The following NCOA2 variants were observed in gnomAD, a reference collection of about 807,000 sequenced individuals.
NCOA2 encodes the protein class E basic helix-loop-helix protein 75.
Under a neutral mutation model 145.1 loss-of-function variants are expected in NCOA2, and 21 were observed. The observed-to-expected ratio is 0.14, with a 90% CI of 0.10 to 0.21. NCOA2 has a LOEUF of 0.21. Ranked by LOEUF, NCOA2 falls within the 10% of genes least tolerant of loss-of-function variation. NCOA2 has a pLI of 1.00. For missense variants in NCOA2, 1,472 were observed against 1,837.6 expected, an observed-to-expected ratio of 0.80 and a Z score of 3.64; for synonymous variants, 619 against 637.5, an observed-to-expected ratio of 0.97 and a Z score of 0.44.
chr8:70,366,082 T>C (rs543133734), intron 1 of NCOA2, among the ~76,000 whole-genome samples: 1 of 152,308 alleles, frequency 6.6e-6, no homozygotes, highest in African/African-American at 2.4e-5. Flanking sequence ...TGTGCTTCTC[T>C]TACCAGCATT....
intron 1 of NCOA2, among the ~76,000 whole-genome samples, chr8:70,400,994 T>C (rs925672031): frequency 9.9e-5 from 15 of 152,208 alleles, no homozygotes; most frequent in African/African-American, 3.4e-4. Context: ...CTAACACTTT[T>C]CATTCTTTGA....
intron 1 of NCOA2, among the ~76,000 whole-genome samples, chr8:70,317,118 G>A (rs149636362): frequency 5.3e-5 from 8 of 152,328 alleles, no homozygotes; most frequent in South Asian, 2.1e-4. Context: ...AATGTACCGC[G>A]GTTGCAATGA....
At chr8:70,236,619 G>C (rs557212808) in intron 2 of NCOA2, among the ~76,000 whole-genome samples, 2 of 151,800 alleles carry the variant, frequency 1.3e-5, no homozygotes, top group Non-Finnish European at 2.9e-5. Flanking sequence ...GGCCCTCTCC[G>C]TATCTGTGGT....
the NCOA2 span, among the ~76,000 whole-genome samples, chr8:70,426,886 G>A: frequency 3.9e-5 from 6 of 152,096 alleles, no homozygotes; most frequent in African/African-American, 1.4e-4. Flanking sequence ...TCAACCTTCC[G>A]GGCTCAAAGG....
chr8:70,410,433 A>C, the NCOA2 span, among the ~76,000 whole-genome samples: 1 of 152,042 alleles, frequency 6.6e-6, no homozygotes, highest in Non-Finnish European at 1.5e-5. Flanking sequence ...ATAATATAGA[A>C]TATAATAATA....
At chr8:70,147,559 GACA>G (rs1417951380) in intron 12 of NCOA2, among the ~76,000 whole-genome samples, 3 of 152,136 alleles carry the variant, frequency 2.0e-5, no homozygotes, top group Non-Finnish European at 4.4e-5. Flanking sequence ...AAGATTATCA[GACA>G]ACTTCAGGTA....
chr8:70,229,623 C>T (rs1820962508), intron 2 of NCOA2, among the ~76,000 whole-genome samples: 2 of 152,170 alleles, frequency 1.3e-5, no homozygotes, highest in Admixed American at 1.3e-4. Flanking sequence ...CCCCTCCTCA[C>T]TTTCCTCTTT....
intron 1 of NCOA2, among the ~76,000 whole-genome samples, chr8:70,386,763 C>A (rs554389429): frequency 6.6e-6 from 1 of 152,298 alleles, no homozygotes; most frequent in African/African-American, 2.4e-5. Flanking sequence ...CAAAAATCTT[C>A]TATTTGATGC....
intron 10 of NCOA2, among the ~76,000 whole-genome samples, chr8:70,159,185 G>A (rs945421179): frequency 8.1e-6 from 1 of 122,740 alleles, no homozygotes; most frequent in African/African-American, 2.9e-5. Context: ...CTGATACAGT[G>A]TAAATATAGT....
the NCOA2 span, among the ~76,000 whole-genome samples, chr8:70,448,749 A>G: frequency 1.3e-5 from 2 of 151,840 alleles, no homozygotes; most frequent in Non-Finnish European, 2.9e-5. Context: ...AATATACTTA[A>G]TTATTGTGGT....
chr8:70,182,140 T>TTC (rs1815551982), intron 4 of NCOA2, among the ~76,000 whole-genome samples: 1 of 152,240 alleles, frequency 6.6e-6, no homozygotes. Context: ...TTTTCAACAT[T>TTC]AATGCACTAT....
At chr8:70,115,076 C>T (rs1178626778) in intron 22 of NCOA2, among the ~76,000 whole-genome samples, 2 of 152,152 alleles carry the variant, frequency 1.3e-5, no homozygotes, top group African/African-American at 4.8e-5. Flanking sequence ...CTCCATGGTG[C>T]TGATTAAAAT....
intron 1 of NCOA2, among the ~76,000 whole-genome samples, chr8:70,343,368 T>A (rs1808318668): frequency 6.6e-6 from 1 of 151,542 alleles, no homozygotes; most frequent in Non-Finnish European, 1.5e-5. Flanking sequence ...ATTTCAAAGT[T>A]GATCCAAAAA....
In NCOA2 at chr8:70,312,120, ACT is replaced by A. The variant is rs1044419205; in HGVS notation, c.-76-15322_-76-15321del. Reference sequence around the variant, plus strand: ...AAAAACCTGGAAATCAGATCTTCTGACTCTAGCTCAGTGCTCACGCAAGAGAT... The same window carrying A: ...AAAAACCTGGAAATCAGATCTTCTGACTAGCTCAGTGCTCACGCAAGAGAT... On this transcript the variant is annotated intron_variant, in intron 1 of 22. Transcript: ENST00000452400. 8.2e-4 allele frequency among the ~76,000 whole-genome samples: 125 copies of A among 152,222 alleles called. 1 individual carries two copies. The highest frequency in any genetic ancestry group is 2.9e-3 in the African/African-American group (121 of 41,552).
At chr8:70,422,129 CA>C in the NCOA2 span, among the ~76,000 whole-genome samples, 2 of 151,358 alleles carry the variant, frequency 1.3e-5, no homozygotes, top group Admixed American at 6.6e-5. Context: ...AACAAACCAC[CA>C]AAAAAAAGAA....
At chr8:70,188,739 C>T (rs528828470) in intron 4 of NCOA2, among the ~76,000 whole-genome samples, 231 of 152,208 alleles carry the variant, frequency 1.5e-3, no homozygotes, top group Non-Finnish European at 2.5e-3. Flanking sequence ...AGACAAGTTT[C>T]TACTAAACAG....
At chr8:70,272,247 A>G (rs960067434) in intron 2 of NCOA2, among the ~76,000 whole-genome samples, 10 of 152,152 alleles carry the variant, frequency 6.6e-5, no homozygotes, top group Admixed American at 6.5e-4. Context: ...GTATTCTGCT[A>G]CAGGTATAGA....
At chr8:70,149,863 T>C (rs1390937001) in intron 11 of NCOA2, among the ~76,000 whole-genome samples, 5 of 151,970 alleles carry the variant, frequency 3.3e-5, no homozygotes, top group Non-Finnish European at 7.4e-5. Flanking sequence ...CCACAACTAT[T>C]CCTTTCATCT....
chr8:70,156,526 A>G lies in NCOA2; in HGVS notation c.1839T>C (p.Asn613=), dbSNP rs1812311472. 2.5e-6 allele frequency: 4 copies of G among 1,613,634 alleles called. No individual in the cohort carries two copies. Among genetic ancestry groups the G allele is most frequent in the Non-Finnish European group, 3.4e-6 (4 of 1,179,854 alleles). Residue 613 remains asparagine, a synonymous_variant, in exon 11 of 23, where the codon AAT becomes AAC. Transcript: ENST00000452400. The part of the protein sequence containing the change: ...SCHPGEQKET[N]DPNLPPAVSS... ...TCACGGCCGGGGGCAGGTTGGGGTC[A>G]TTTGTTTCCTTTTGCTCTCCAGGAT...
Sources: allele counts gnomAD v4.1 joint callset (sites outside exome capture counted in the v4.1 genomes callset), GRCh38; gene constraint gnomAD v4.1.1; transcripts MANE v1.5; gene names NCBI Gene and HGNC (gene_info 2026-07-23, HGNC 2026-07-21).